The following LAMTOR5 variants were observed in gnomAD, a reference collection of about 807,000 sequenced individuals.
The protein encoded by LAMTOR5 is late endosomal/lysosomal adaptor, MAPK and MTOR activator 5, also known as ragulator complex protein LAMTOR5.
LAMTOR5 carries 8 observed loss-of-function variants against 12.1 expected under a neutral mutation model. The ratio of observed to expected loss-of-function variants is 0.66; its 90% CI spans 0.39 to 1.19. The LOEUF (loss-of-function observed/expected upper bound fraction) is 1.19, where lower values mean the gene tolerates loss of function less well. Ranked by LOEUF, LAMTOR5 falls within the 50% of genes most tolerant of loss-of-function variation. The probability of loss-of-function intolerance (pLI) is 0.01; values close to 1 mark genes in which losing one functional copy is unlikely to be tolerated. For synonymous variants in LAMTOR5, 37 were observed against 41.9 expected (o/e 0.88, Z 0.45); for missense variants, 110 against 112.8 (o/e 0.97, Z 0.11).
At chr1:110,404,846 G>A (rs1173810076) in intron 2 of LAMTOR5, among the ~76,000 whole-genome samples, 11 of 152,056 alleles carry the variant, frequency 7.2e-5, no homozygotes, top group South Asian at 2.1e-4. Context: ...TAAGGAGTTC[G>A]AGACCAGCCT....
chr1:110,404,813 G>A (rs554050796), intron 2 of LAMTOR5, among the ~76,000 whole-genome samples: 2 of 152,044 alleles, frequency 1.3e-5, no homozygotes, highest in African/African-American at 2.4e-5. Flanking sequence ...TTTGGGAGGC[G>A]GAGGTGGGTG....
intron 3 of LAMTOR5, among the ~76,000 whole-genome samples, chr1:110,402,346 G>C (rs1663247015): frequency 6.6e-6 from 1 of 152,140 alleles, no homozygotes; most frequent in Non-Finnish European, 1.5e-5. Context: ...TGCCTCCCGG[G>C]TTCAAGCAAT....
intron 2 of LAMTOR5, among the ~76,000 whole-genome samples, chr1:110,404,503 T>C (rs1663289150): frequency 1.3e-5 from 2 of 152,348 alleles, no homozygotes; most frequent in Non-Finnish European, 2.9e-5. Flanking sequence ...CCCAAATGAC[T>C]GATCTGCATG....
At chr1:110,403,641 A>T in intron 3 of LAMTOR5, 1 of 262,778 alleles carries the variant, frequency 3.8e-6, no homozygotes, top group Non-Finnish European at 7.1e-6. Flanking sequence ...AGTAATTTTT[A>T]TTCTCTGATT....
intron 2 of LAMTOR5, among the ~76,000 whole-genome samples, chr1:110,405,040 T>G (rs1189405132): frequency 6.7e-6 from 1 of 149,090 alleles, no homozygotes; most frequent in Non-Finnish European, 1.5e-5. Flanking sequence ...AGAGCAAGAT[T>G]TCGTCTCAAA....
intron 3 of LAMTOR5, chr1:110,403,616 A>G: frequency 4.2e-6 from 1 of 237,418 alleles, no homozygotes; most frequent in Non-Finnish European, 8.3e-6. Context: ...CTGCCTCAAA[A>G]AGAAAAAAAA....
chr1:110,407,044 T>G (rs924938288), intron 1 of LAMTOR5: 18 of 698,712 alleles, frequency 2.6e-5, no homozygotes, highest in Non-Finnish European at 3.7e-5. Flanking sequence ...TCCTGGAGGG[T>G]AAGTGGAAGC....
intron 2 of LAMTOR5, among the ~76,000 whole-genome samples, chr1:110,405,624 C>G (rs910234414): frequency 2.0e-5 from 3 of 152,116 alleles, no homozygotes; most frequent in African/African-American, 7.2e-5. Context: ...AGACACTGCA[C>G]CTGGTCCCTC....
intron 1 of LAMTOR5, chr1:110,406,918 G>A (rs767070948): frequency 9.6e-6 from 5 of 520,784 alleles, no homozygotes; most frequent in African/African-American, 1.9e-5. Flanking sequence ...GTACTGCTGA[G>A]TTCTGGAGGG....
At chr1:110,407,027 A>G (rs1023303529) in intron 1 of LAMTOR5, 1 of 696,900 alleles carries the variant, frequency 1.4e-6, no homozygotes, top group African/African-American at 1.8e-5. Flanking sequence ...GAAAAACTCA[A>G]GTTACCTCCT....
rs1190974999 is a variant in LAMTOR5, at chr1:110,405,025, G to T, written c.98-989C>A. On this transcript the variant is annotated intron_variant, in intron 2 of 3. Transcript: ENST00000602318. ...ATCGTGCCACTGCACTCTAGCCTGGGCGACAGAGCAAGATTTCGTCTCAAA... is the reference window on the plus strand; with the variant it reads ...ATCGTGCCACTGCACTCTAGCCTGGTCGACAGAGCAAGATTTCGTCTCAAA... Among the ~76,000 whole-genome samples the T allele has an allele frequency of 2.0e-5, 3 of 149,270 alleles. No individual in the cohort carries two copies. In the South Asian group the frequency reaches 6.4e-4, roughly 32 times the overall value.
At chr1:110,407,272 G>A (rs1663352596) in intron 1 of LAMTOR5, 3 of 577,394 alleles carry the variant, frequency 5.2e-6, no homozygotes, top group Non-Finnish European at 9.2e-6. Context: ...AAGTCAACCC[G>A]TTTTCTAAAA....
In LAMTOR5 at chr1:110,407,631, G is replaced by T. The variant is rs1663362782; in HGVS notation, c.-11C>A. ...CAAGGTCGCCTCCATCCCACCCACCGACCACTCCGGCTCAGAACCCAGCGG... is the reference window on the plus strand; with the variant it reads ...CAAGGTCGCCTCCATCCCACCCACCTACCACTCCGGCTCAGAACCCAGCGG... On this transcript the variant is annotated 5_prime_UTR_variant, in exon 1 of 4. Coordinates refer to ENST00000602318, the MANE Select transcript of LAMTOR5 (RefSeq NM_001382293.1). The T allele has an allele frequency of 1.9e-6, 3 of 1,614,114 alleles. No individual in the cohort carries two copies. Among genetic ancestry groups the T allele is most frequent in the Non-Finnish European group, 2.5e-6 (3 of 1,180,020 alleles).
At chr1:110,407,781 A>T (rs573326414), upstream of LAMTOR5, 4 of 1,614,150 alleles carry the variant, frequency 2.5e-6, no homozygotes, top group East Asian at 8.9e-5. Flanking sequence ...ACTGGAAAAC[A>T]TCACTGCGCT....
At chr1:110,406,273 A>C in intron 2 of LAMTOR5, 45 bp downstream of exon 2, 1 of 1,312,928 alleles carries the variant, frequency 7.6e-7, no homozygotes, top group Non-Finnish European at 1.1e-6. Context: ...AGTCAACATC[A>C]GATGCTATGC....
intron 3 of LAMTOR5, 135 bp downstream of exon 3, chr1:110,403,784 G>A: frequency 1.5e-6 from 2 of 1,376,650 alleles, no homozygotes; most frequent in Non-Finnish European, 1.9e-6. Flanking sequence ...GTCTGTTCCT[G>A]TGATTCAAAA....
At chr1:110,404,163 T>C (rs1663283731) in intron 2 of LAMTOR5, 127 bp from the exon 3 acceptor site, 3 of 1,316,586 alleles carry the variant, frequency 2.3e-6, no homozygotes, top group Non-Finnish European at 3.0e-6. Flanking sequence ...AGTCTGTATA[T>C]ATTATAGTAA....
intron 3 of LAMTOR5, 100 bp from the exon 4 acceptor site, chr1:110,401,683 TG>T: frequency 7.9e-7 from 1 of 1,273,642 alleles, no homozygotes; most frequent in Non-Finnish European, 1.1e-6. Context: ...TTTAAAATAA[TG>T]TAATTGTTTC....
upstream of LAMTOR5, chr1:110,407,818 T>A (rs777135788): frequency 6.2e-7 from 1 of 1,613,946 alleles, no homozygotes; most frequent in South Asian, 1.1e-5. Context: ...TGACGAAGGC[T>A]TGGGCTCCCC....
Sources: allele counts gnomAD v4.1 joint callset (sites outside exome capture counted in the v4.1 genomes callset), GRCh38; gene constraint gnomAD v4.1.1; transcripts MANE v1.5; gene names NCBI Gene and HGNC (gene_info 2026-07-23, HGNC 2026-07-21).